The following TTC23L variants were observed in gnomAD, a reference collection of about 807,000 sequenced individuals.
TTC23L encodes tetratricopeptide repeat protein 23-like.
A neutral mutation model predicts 48.1 loss-of-function variants in TTC23L; 42 were observed. That is an observed-to-expected ratio of 0.87 (90% CI 0.68 to 1.13). The LOEUF is 1.13. Among genes scored for constraint, TTC23L ranks in the 50% most tolerant of loss-of-function variants. TTC23L has a pLI of 0.00. For synonymous variants in TTC23L, 159 were observed against 157.2 expected (o/e 1.01, Z -0.09); for missense variants, 391 against 421.0 (o/e 0.93, Z 0.62).
At chr5:34,913,257 T>TAA in the TTC23L span, among the ~76,000 whole-genome samples, 1 of 149,560 alleles carries the variant, frequency 6.7e-6, no homozygotes, top group African/African-American at 2.5e-5. Flanking sequence ...CCTTGTAAAT[T>TAA]AAAAAAAAAA....
chr5:34,913,868 A>T, the TTC23L span: 7 of 474,218 alleles, frequency 1.5e-5, no homozygotes, highest in African/African-American at 3.9e-5. Flanking sequence ...TGCATGAGCA[A>T]CATTAGTTTC....
chr5:34,892,682 G>A (rs892854406), intron 9 of TTC23L, among the ~76,000 whole-genome samples: 6 of 152,136 alleles, frequency 3.9e-5, no homozygotes, highest in African/African-American at 2.4e-5. Flanking sequence ...CAGGTTCTTC[G>A]AAGAAAAGTA....
the TTC23L span, chr5:34,909,419 T>C: frequency 8.8e-7 from 1 of 1,139,150 alleles, no homozygotes; most frequent in Middle Eastern, 2.3e-4. Context: ...AGGATCCAAA[T>C]AAAGAAAACA....
intron 4 of TTC23L, among the ~76,000 whole-genome samples, chr5:34,856,044 G>A (rs1210299289): frequency 6.6e-6 from 1 of 152,172 alleles, no homozygotes; most frequent in East Asian, 1.9e-4. Context: ...CATGGTGTTC[G>A]ATTTGGGGTT....
intron 9 of TTC23L, among the ~76,000 whole-genome samples, chr5:34,884,936 C>A (rs1762457858): frequency 6.6e-6 from 1 of 152,076 alleles, no homozygotes; most frequent in South Asian, 2.1e-4. Context: ...CATGTTCAAC[C>A]CAATTATGAA....
chr5:34,902,714 T>G (rs1458666626), downstream of TTC23L, among the ~76,000 whole-genome samples: 1 of 152,088 alleles, frequency 6.6e-6, no homozygotes, highest in Non-Finnish European at 1.5e-5. Context: ...CCCAGGATGC[T>G]TTAGGGTTGG....
At chr5:34,839,724 G>T in intron 1 of TTC23L, 3 of 899,914 alleles carry the variant, frequency 3.3e-6, no homozygotes, top group Non-Finnish European at 4.0e-6. Context: ...CGACTTGGTG[G>T]ATGTTAACAT....
chr5:34,857,739 T>C (rs151298103), intron 4 of TTC23L, among the ~76,000 whole-genome samples: 1 of 152,306 alleles, frequency 6.6e-6, no homozygotes, highest in East Asian at 1.9e-4. Context: ...TTGCGACAAC[T>C]CTACAGGATA....
At chr5:34,895,511 C>T (rs530053934) in intron 9 of TTC23L, among the ~76,000 whole-genome samples, 1 of 152,142 alleles carries the variant, frequency 6.6e-6, no homozygotes, top group African/African-American at 2.4e-5. Context: ...CAGCTGCATA[C>T]CGAAAAGTTA....
the TTC23L span, among the ~76,000 whole-genome samples, chr5:34,909,543 A>G: frequency 6.6e-6 from 1 of 152,238 alleles, no homozygotes; most frequent in Non-Finnish European, 1.5e-5. Flanking sequence ...CAACTAATCA[A>G]TGGGTTTGAA....
At chr5:34,872,973 G>T (rs1761569919) in intron 8 of TTC23L, among the ~76,000 whole-genome samples, 1 of 152,040 alleles carries the variant, frequency 6.6e-6, no homozygotes, top group Admixed American at 6.6e-5. Flanking sequence ...TGAGACAGGA[G>T]ACTTGCTTGA....
chr5:34,866,633 T>G (rs530269418), intron 6 of TTC23L, among the ~76,000 whole-genome samples: 8 of 139,136 alleles, frequency 5.7e-5, no homozygotes, highest in African/African-American at 1.9e-4. Flanking sequence ...CTGGAAGCCA[T>G]TTTTCCATTT....
At chr5:34,902,698 C>CT (rs1355835839), downstream of TTC23L, among the ~76,000 whole-genome samples, 2 of 152,140 alleles carry the variant, frequency 1.3e-5, no homozygotes, top group African/African-American at 4.8e-5. Context: ...CAGTTGCCGA[C>CT]TAACTCCCAG....
intron 4 of TTC23L, among the ~76,000 whole-genome samples, chr5:34,857,210 G>A (rs1416708242): frequency 2.6e-5 from 4 of 152,160 alleles, no homozygotes; most frequent in East Asian, 1.9e-4. Context: ...AAGGGCAGTC[G>A]GAGATCACCA....
downstream of TTC23L, among the ~76,000 whole-genome samples, chr5:34,902,962 A>G (rs908205088): frequency 6.6e-5 from 10 of 151,240 alleles, no homozygotes; most frequent in Non-Finnish European, 1.5e-4. Flanking sequence ...AATGACTGAC[A>G]TTAAAAAAAA....
chr5:34,902,136 T>G (rs769850593), downstream of TTC23L, among the ~76,000 whole-genome samples: 15 of 151,950 alleles, frequency 9.9e-5, no homozygotes, highest in Non-Finnish European at 2.2e-4. Context: ...TTAATACAGC[T>G]CAAATGGCCG....
intron 3 of TTC23L, among the ~76,000 whole-genome samples, chr5:34,848,170 G>A (rs1759369457): frequency 6.6e-6 from 1 of 152,134 alleles, no homozygotes; most frequent in Admixed American, 6.5e-5. Flanking sequence ...TAGGTTTTTG[G>A]TTCCTTGAAG....
At chr5:34,851,001 G>A (rs1416355378) in intron 4 of TTC23L, among the ~76,000 whole-genome samples, 1 of 152,162 alleles carries the variant, frequency 6.6e-6, no homozygotes, top group Admixed American at 6.5e-5. Flanking sequence ...ATGTCCCCCT[G>A]TGTGGTCTGC....
At chr5:34,900,350 A>C (rs1220404102), downstream of TTC23L, among the ~76,000 whole-genome samples, 1 of 152,160 alleles carries the variant, frequency 6.6e-6, no homozygotes, top group African/African-American at 2.4e-5. Flanking sequence ...GAAAATGATA[A>C]GGGGCCAAGT....
Sources: allele counts gnomAD v4.1 joint callset (sites outside exome capture counted in the v4.1 genomes callset), GRCh38; gene constraint gnomAD v4.1.1; transcripts MANE v1.5; gene names NCBI Gene and HGNC (gene_info 2026-07-23, HGNC 2026-07-21).